The following GPATCH1 variants were observed in gnomAD, a reference collection of about 807,000 sequenced individuals.
The protein encoded by GPATCH1 is G patch domain-containing protein 1.
GPATCH1 carries 73 observed loss-of-function variants against 114.9 expected under a neutral mutation model. The observed-to-expected ratio is 0.64, with a 90% CI of 0.53 to 0.77. GPATCH1 has a LOEUF of 0.77. Ranked by LOEUF, GPATCH1 falls within the 30% of genes least tolerant of loss-of-function variation. The probability of loss-of-function intolerance (pLI) is 0.00; values close to 1 mark genes in which losing one functional copy is unlikely to be tolerated. For synonymous variants in GPATCH1, 391 were observed against 428.4 expected (o/e 0.91, Z 1.08); for missense variants, 1,058 against 1,144.3 (o/e 0.92, Z 1.09).
intron 8 of GPATCH1, among the ~76,000 whole-genome samples, chr19:33,099,168 A>T (rs1348279535): frequency 2.0e-5 from 3 of 149,524 alleles, no homozygotes; most frequent in Non-Finnish European, 4.4e-5. Context: ...TATGTAACAT[A>T]CCAATACATT....
At chr19:33,098,756 T>C (rs1972692304) in intron 8 of GPATCH1, among the ~76,000 whole-genome samples, 1 of 152,160 alleles carries the variant, frequency 6.6e-6, no homozygotes, top group Non-Finnish European at 1.5e-5. Context: ...TACTATTCTT[T>C]GGTTATCATA....
chr19:33,086,939 A>G (rs1271115521), intron 1 of GPATCH1, among the ~76,000 whole-genome samples: 1 of 151,564 alleles, frequency 6.6e-6, no homozygotes, highest in Non-Finnish European at 1.5e-5. Flanking sequence ...ATGCCACTGC[A>G]CTCCAGCATG....
At chr19:33,087,588 T>C (rs538174765) in intron 1 of GPATCH1, among the ~76,000 whole-genome samples, 76 of 152,202 alleles carry the variant, frequency 5.0e-4, no homozygotes, top group Admixed American at 5.0e-3. Flanking sequence ...TATGGAAGTG[T>C]ATCTCTCCTT....
chr19:33,120,274 TTA>T (rs940098775), intron 17 of GPATCH1, among the ~76,000 whole-genome samples: 1 of 112,160 alleles, frequency 8.9e-6, no homozygotes, highest in Non-Finnish European at 1.8e-5. Flanking sequence ...TATATAACAA[TTA>T]TATATAAAAA....
In GPATCH1 at chr19:33,130,217, T is replaced by A; in HGVS notation, c.*57T>A. On this transcript the variant is annotated 3_prime_UTR_variant, in exon 20 of 20. Coordinates refer to ENST00000170564, the MANE Select transcript of GPATCH1 (RefSeq NM_018025.3). ...TTTCTCCTCCATGATGGAAGCCCAG[T>A]GATTGTTCAGTTAACGCATTGTACA... 8.0e-7 allele frequency: 1 copy of A among 1,247,226 alleles called. No individual in the cohort carries two copies. The highest frequency in any genetic ancestry group is 1.2e-6 in the Non-Finnish European group (1 of 845,574). 77.3% of individuals were successfully genotyped at this position (1,247,226 alleles called of 1,614,324 possible). A position where few individuals can be genotyped will look rare whatever the true frequency, so the allele number is the denominator to read the frequency against.
chr19:33,099,502 C>T (rs976966620), intron 8 of GPATCH1, among the ~76,000 whole-genome samples: 2 of 152,078 alleles, frequency 1.3e-5, no homozygotes, highest in African/African-American at 2.4e-5. Flanking sequence ...CTCTCCCCCC[C>T]TGCAGGGTCA....
At position 33,119,035 on chromosome 19, in the gene GPATCH1, G is replaced by A. The variant is rs558082752; in HGVS notation, c.2439G>A (p.Pro813=). 53 of 1,612,376 alleles carry A rather than the reference G, an allele frequency of 3.3e-5. No homozygotes were observed. The African/African-American group carries it at 3.9e-4, about 12-fold the overall frequency. The change falls in exon 17 of 20, where the codon CCG becomes CCA. Residue 813 remains proline, a synonymous_variant. Transcript: ENST00000170564. ...CTCTTGTGCCAGCACCCCAGGAGCC[G>A]CCACCTTCCTTCCCGATACAAAAGA... ...AHALVPAPQE[P]PPSFPIQKMQ...
Position 33,109,963 on chromosome 19 carries a change from A to G in GPATCH1, c.1532A>G (p.Glu511Gly), listed in dbSNP as rs1303748985. Residue 511 changes from glutamate (E) to glycine (G), a missense_variant, in exon 11 of 20, where the codon GAA becomes GGA. By Grantham distance (98) the Glu-to-Gly change is moderately conservative (BLOSUM62 -2). Coordinates refer to ENST00000170564, the MANE Select transcript of GPATCH1 (RefSeq NM_018025.3). The stretch of plus-strand genomic sequence containing the variant: ...TTCAAGCCTTTCGCCAAAGATCCGG[A>G]AAAGCAAAAGCGATACGACGAGTTC... ...SNFKPFAKDP[E>G]KQKRYDEFLV... 3.1e-6 allele frequency: 5 copies of G among 1,614,022 alleles called. No individual in the cohort carries two copies. The highest frequency in any genetic ancestry group is 2.2e-5 in the East Asian group (1 of 44,882).
At chr19:33,084,532 A>G (rs1441214050) in intron 1 of GPATCH1, among the ~76,000 whole-genome samples, 3 of 152,042 alleles carry the variant, frequency 2.0e-5, no homozygotes, top group African/African-American at 7.2e-5. Context: ...CCCAGGACAC[A>G]CTATAAACCC....
intron 9 of GPATCH1, among the ~76,000 whole-genome samples, chr19:33,105,334 A>G (rs1192737706): frequency 6.8e-6 from 1 of 147,700 alleles, no homozygotes; most frequent in East Asian, 2.1e-4. Flanking sequence ...TGGGAGGCTG[A>G]GGCAGGAGAA....
intron 8 of GPATCH1, among the ~76,000 whole-genome samples, chr19:33,099,461 C>T (rs1599856069): frequency 6.6e-6 from 1 of 152,036 alleles, no homozygotes; most frequent in East Asian, 1.9e-4. Flanking sequence ...CCTTGTCCCT[C>T]TCTGCTGTGG....
At chr19:33,103,978 A>G (rs1267965781) in intron 9 of GPATCH1, among the ~76,000 whole-genome samples, 1 of 152,080 alleles carries the variant, frequency 6.6e-6, no homozygotes, top group African/African-American at 2.4e-5. Flanking sequence ...ATGGTTCTCT[A>G]GATCTGAATC....
intron 11 of GPATCH1, among the ~76,000 whole-genome samples, chr19:33,111,251 G>A (rs1397405342): frequency 1.3e-5 from 2 of 151,780 alleles, no homozygotes; most frequent in Non-Finnish European, 2.9e-5. Flanking sequence ...GGGCATGGTG[G>A]CGGACGCCTG....
intron 6 of GPATCH1, 50 bp downstream of exon 6, chr19:33,095,870 C>G (rs768515199): frequency 3.1e-6 from 4 of 1,285,728 alleles, no homozygotes; most frequent in East Asian, 2.3e-5. Context: ...GCACCTGTTT[C>G]TGTATGACTG....
chr19:33,087,651 G>A (rs1972546664), intron 1 of GPATCH1, among the ~76,000 whole-genome samples: 1 of 151,280 alleles, frequency 6.6e-6, no homozygotes, highest in Non-Finnish European at 1.5e-5. Context: ...GGAGATTTCA[G>A]TTTCATCTGT....
chr19:33,125,991 TG>T (rs1199618215), intron 18 of GPATCH1, among the ~76,000 whole-genome samples: 2 of 152,310 alleles, frequency 1.3e-5, no homozygotes, highest in East Asian at 3.9e-4. Context: ...ATGTTCTTGT[TG>T]GGTACCCAAA....
At chr19:33,115,393 G>T (rs937608911) in intron 15 of GPATCH1, among the ~76,000 whole-genome samples, 1 of 150,070 alleles carries the variant, frequency 6.7e-6, no homozygotes, top group African/African-American at 2.5e-5. Context: ...TTAACATTAT[G>T]TAATATCATC....
In GPATCH1 at chr19:33,119,153, C is replaced by T. The variant is rs756184597; in HGVS notation, c.2521+36C>T. ...AGCCCTTTGGTTCGCCCATTTTTAT[C>T]AGTGTGTGATTGCCCTGAGATGGGG... On this transcript the variant is annotated intron_variant, in intron 17 of 19. Transcript: ENST00000170564. 2.7e-5 allele frequency: 33 copies of T among 1,237,840 alleles called. No homozygotes were observed. In the East Asian group the frequency reaches 2.8e-4, roughly 11 times the overall value. 76.7% of individuals were successfully genotyped at this position (1,237,840 alleles called of 1,614,324 possible).
chr19:33,125,326 T>G, intron 18 of GPATCH1, 124 bp downstream of exon 18: 1 of 1,048,180 alleles, frequency 9.5e-7, no homozygotes, highest in Non-Finnish European at 1.4e-6. Flanking sequence ...TCTCTGAGAC[T>G]TAACAGAAAT....
Sources: allele counts gnomAD v4.1 joint callset (sites outside exome capture counted in the v4.1 genomes callset), GRCh38; gene constraint gnomAD v4.1.1; transcripts MANE v1.5; gene names NCBI Gene and HGNC (gene_info 2026-07-23, HGNC 2026-07-21).